NPIPB11: variants seen among roughly 807,000 people sequenced by gnomAD.
NPIPB11 encodes nuclear pore complex interacting protein family member B11, also known as nuclear pore complex-interacting protein family member B11.
Under a neutral mutation model 32.8 loss-of-function variants are expected in NPIPB11, and 17 were observed. The ratio of observed to expected loss-of-function variants is 0.52; its 90% confidence interval spans 0.35 to 0.78. The LOEUF is 0.78. Among genes scored for constraint, NPIPB11 ranks in the 30% least tolerant of loss-of-function variants. The pLI is 0.01. For synonymous variants in NPIPB11, 209 were observed against 398.4 expected (o/e 0.52, Z 5.66); for missense variants, 537 against 1,000.4 (o/e 0.54, Z 6.25).
intron 3 of NPIPB11, among the ~76,000 whole-genome samples, chr16:29,390,924 T>G (rs555052763): frequency 2.9e-4 from 41 of 139,950 alleles, no homozygotes; most frequent in Non-Finnish European, 4.8e-4. Flanking sequence ...GATTGTGCCA[T>G]TGCACTCCAA....
upstream of NPIPB11, among the ~76,000 whole-genome samples, chr16:29,405,248 C>T (rs879874612): frequency 8.4e-4 from 127 of 151,868 alleles, no homozygotes; most frequent in Middle Eastern, 3.4e-3. Context: ...TATTGTAGGA[C>T]AATGTGACTT....
chr16:29,390,837 C>T (rs1193287561), intron 3 of NPIPB11, among the ~76,000 whole-genome samples: 2 of 151,636 alleles, frequency 1.3e-5, no homozygotes, highest in African/African-American at 2.4e-5. Context: ...GTGGTGCATG[C>T]CTGTAATCCC....
intron 5 of NPIPB11, among the ~76,000 whole-genome samples, chr16:29,388,964 A>C (rs1020636127): frequency 1.8e-4 from 25 of 141,702 alleles, no homozygotes; most frequent in Non-Finnish European, 1.4e-4. Flanking sequence ...TGGGAGGCCG[A>C]GGTGTGCGGA....
At chr16:29,397,592 T>C (rs529800599) in intron 2 of NPIPB11, 3 of 1,514,166 alleles carry the variant, frequency 2.0e-6, no homozygotes, top group Admixed American at 4.0e-5. Flanking sequence ...GGCTGATAAA[T>C]TCCAGCAGGA....
intron 2 of NPIPB11, among the ~76,000 whole-genome samples, chr16:29,399,756 A>G (rs1049496791): frequency 2.6e-5 from 4 of 151,268 alleles, no homozygotes; most frequent in Non-Finnish European, 5.9e-5. Flanking sequence ...ATGGAATTCA[A>G]TTCTATTTAT....
upstream of NPIPB11, among the ~76,000 whole-genome samples, chr16:29,406,518 G>T (rs986172938): frequency 1.3e-5 from 2 of 152,306 alleles, no homozygotes; most frequent in East Asian, 1.9e-4. Context: ...GGGAGTTCCA[G>T]ACCAGCCTAA....
intron 4 of NPIPB11, 21 bp downstream of exon 4, chr16:29,390,228 C>A (rs768398924): frequency 1.7e-5 from 27 of 1,586,398 alleles, no homozygotes; most frequent in East Asian, 4.5e-5. Flanking sequence ...CCACACTATG[C>A]GGATTCCAAC....
At chr16:29,394,681 C>T (rs550609727) in intron 2 of NPIPB11, among the ~76,000 whole-genome samples, 1 of 152,242 alleles carries the variant, frequency 6.6e-6, no homozygotes, top group East Asian at 1.9e-4. Context: ...ATCTGCCTGC[C>T]TCAGCCTCCC....
intron 5 of NPIPB11, among the ~76,000 whole-genome samples, chr16:29,389,580 A>T (rs1963659006): frequency 1.4e-5 from 2 of 143,196 alleles, no homozygotes; most frequent in African/African-American, 5.2e-5. Flanking sequence ...AGGCTGAGGC[A>T]GGAGAATTGC....
intron 5 of NPIPB11, among the ~76,000 whole-genome samples, chr16:29,389,617 A>T (rs576180584): frequency 7.6e-6 from 1 of 131,042 alleles, no homozygotes; most frequent in East Asian, 2.8e-4. Context: ...GTGAGCTGAG[A>T]TTGTGCCATT....
At chr16:29,390,744 A>C (rs1963698764) in intron 3 of NPIPB11, among the ~76,000 whole-genome samples, 1 of 151,682 alleles carries the variant, frequency 6.6e-6, no homozygotes, top group Non-Finnish European at 1.5e-5. Context: ...CAGGCGGATC[A>C]CCTGAGGTCG....
At chr16:29,392,368 C>A (rs1423417568) in intron 3 of NPIPB11, among the ~76,000 whole-genome samples, 1 of 151,512 alleles carries the variant, frequency 6.6e-6, no homozygotes, top group Non-Finnish European at 1.5e-5. Context: ...CCAAGTCCAA[C>A]AGCTCAACTG....
intron 2 of NPIPB11, among the ~76,000 whole-genome samples, chr16:29,401,792 T>C (rs1475119298): frequency 2.0e-5 from 3 of 152,094 alleles, no homozygotes; most frequent in Non-Finnish European, 4.4e-5. Flanking sequence ...AGCTCCCATA[T>C]GGAGGCTGCT....
At chr16:29,399,894 T>G (rs1742635895) in intron 2 of NPIPB11, among the ~76,000 whole-genome samples, 1 of 151,664 alleles carries the variant, frequency 6.6e-6, no homozygotes, top group South Asian at 2.1e-4. Context: ...CTGACCAACA[T>G]GGTGAAACCC....
rs71214272 is a variant in NPIPB11, at chr16:29,402,724, CTGTGTGTGTGTG to C, written c.120+947_120+958del. Among the ~76,000 whole-genome samples, 373 of 119,662 alleles carry C rather than the reference CTGTGTGTGTGTG, an allele frequency of 3.1e-3. 4 individuals are homozygous for C. The highest frequency in any genetic ancestry group is 0.011 in the African/African-American group (343 of 30,762). The allele number at this position is 119,662 out of a possible 152,430, so 78.5% of individuals were successfully genotyped here. A position where few individuals can be genotyped will look rare whatever the true frequency, so the allele number is the denominator to read the frequency against. On this transcript the variant is annotated intron_variant, in intron 2 of 7. Transcript: ENST00000524087. Reference sequence around the variant, plus strand: ...TCTCTCTCTCTCTCTCTCTCTCTCTCTGTGTGTGTGTGTGTGTGTGTGTGTGTGTGTGTGTGT... The same window carrying C: ...TCTCTCTCTCTCTCTCTCTCTCTCTCTGTGTGTGTGTGTGTGTGTGTGTGT...
intron 3 of NPIPB11, among the ~76,000 whole-genome samples, chr16:29,391,814 A>G (rs1457822264): frequency 2.0e-5 from 3 of 152,022 alleles, no homozygotes; most frequent in East Asian, 3.9e-4. Flanking sequence ...TCCACCTCCC[A>G]GATTCAAGCG....
chr16:29,405,333 A>T (rs1443489579), upstream of NPIPB11, among the ~76,000 whole-genome samples: 3 of 151,854 alleles, frequency 2.0e-5, no homozygotes, highest in Admixed American at 6.6e-5. Context: ...TTGTTGAACA[A>T]ATATTATTAA....
chr16:29,391,930 C>T (rs1262877732), intron 3 of NPIPB11, among the ~76,000 whole-genome samples: 1 of 151,964 alleles, frequency 6.6e-6, no homozygotes, highest in Admixed American at 6.6e-5. Context: ...CATGTTGGCC[C>T]ATCTGGTCTT....
chr16:29,402,722 C>CTGTGTGTG (rs1245633106), intron 2 of NPIPB11, among the ~76,000 whole-genome samples: 1,280 of 113,308 alleles, frequency 0.011, 8 homozygotes, highest in East Asian at 0.052. Context: ...CTCTCTCTCT[C>CTGTGTGTG]TCTGTGTGTG....
Sources: allele counts gnomAD v4.1 joint callset (sites outside exome capture counted in the v4.1 genomes callset), GRCh38; gene constraint gnomAD v4.1.1; transcripts MANE v1.5; gene names NCBI Gene and HGNC (gene_info 2026-07-23, HGNC 2026-07-21).